ARHGEF19: variants seen among roughly 807,000 people sequenced by gnomAD.
ARHGEF19 encodes Rho guanine nucleotide exchange factor (GEF) 19.
In ARHGEF19, 92 loss-of-function variants were observed where a neutral mutation model predicts 87.6. The ratio of observed to expected loss-of-function variants is 1.05; its 90% confidence interval spans 0.89 to 1.25. The LOEUF (loss-of-function observed/expected upper bound fraction) is 1.25. ARHGEF19 is among the 50% of genes most tolerant of loss of function. The probability of loss-of-function intolerance (pLI) is 0.00; values close to 1 mark genes in which losing one functional copy is unlikely to be tolerated. For synonymous variants in ARHGEF19, 438 were observed against 446.2 expected, an observed-to-expected ratio of 0.98 and a Z score of 0.23; for missense variants, 1,054 against 1,051.8, an observed-to-expected ratio of 1.00 and a Z score of -0.03.
Position 16,206,407 on chromosome 1 carries a change from T to C in ARHGEF19, c.1138-67A>G, listed in dbSNP as rs2081135575. ...TCACCTCGGAGGCCCTGGCCTCACA[T>C]CCCCAGACCCCAGGACGCCACACCT... On this transcript the variant is annotated intron_variant, in intron 6 of 15. Transcript: ENST00000270747. This position sits in a 1 kb window ranked among gnomAD's most constrained non-coding sequence, Gnocchi z 4.6. The C allele has an allele frequency of 6.6e-7, 1 of 1,521,236 alleles. No individual in the cohort carries two copies. The highest frequency in any genetic ancestry group is 2.0e-5 in the Admixed American group (1 of 50,820). The allele number at this position is 1,521,236 out of a possible 1,614,324, so 94.2% of individuals were successfully genotyped here. A position where few individuals can be genotyped will look rare whatever the true frequency, so the allele number is the denominator to read the frequency against.
At chr1:16,208,602 CT>C in intron 2 of ARHGEF19, 40 bp downstream of exon 2, 1 of 1,553,782 alleles carries the variant, frequency 6.4e-7, no homozygotes, top group Non-Finnish European at 8.6e-7. Context: ...CCCTATCCCC[CT>C]GCCATGGCAC....
rs2081167545 is a variant in ARHGEF19 at position 16,208,603 on chromosome 1, T to G, written c.412+40A>C. ...CTGCCCAGCCCCTCCCCTATCCCCC[T>G]GCCATGGCACCCACACCCGCCTTCC... On this transcript the variant is annotated intron_variant, in intron 2 of 15. Transcript: ENST00000270747. 3 of 1,555,070 alleles carry G rather than the reference T, an allele frequency of 1.9e-6. No homozygotes were observed. In the African/African-American group the frequency reaches 4.1e-5, roughly 21 times the overall value.
Position 16,206,993 on chromosome 1 carries a change from G to A in ARHGEF19, c.1092C>T (p.Ser364=). Residue 364 remains serine (S), a synonymous_variant, in exon 6 of 16, where the codon AGC becomes AGT. Coordinates refer to ENST00000270747, the MANE Select transcript of ARHGEF19 (RefSeq NM_153213.5). This position sits in a 1 kb window ranked among gnomAD's most constrained non-coding sequence, Gnocchi z 4.6. The part of the protein sequence containing the change: ...LWQDIPDVRG[S]GVLATLSLRD... ...GCAGGCTCAGCGTGGCCAGGACGCC[G>A]CTGCCGCGTACGTCGGGGATATCCT... The A allele has an allele frequency of 1.3e-6, 2 of 1,515,596 alleles. No individual in the cohort carries two copies. Among genetic ancestry groups the A allele is most frequent in the Non-Finnish European group, 8.8e-7 (1 of 1,135,746 alleles). The allele number at this position is 1,515,596 out of a possible 1,614,324, so 93.9% of individuals were successfully genotyped here. A position where few individuals can be genotyped will look rare whatever the true frequency, so the allele number is the denominator to read the frequency against.
At position 16,206,771 on chromosome 1, in the gene ARHGEF19, C is replaced by T. The variant is rs1027015992; in HGVS notation, c.1137+177G>A. 6.6e-6 allele frequency among the ~76,000 whole-genome samples: 1 copy of T among 152,074 alleles called. No individual in the cohort carries two copies. The highest frequency in any genetic ancestry group is 2.4e-5 in the African/African-American group (1 of 41,414). ...CGCCTCTCGCTCAGCGGCTTGCTGT[C>T]CTCGCTTCCAGACGGCCTCGTGTAG... On this transcript the variant is annotated intron_variant, in intron 6 of 15. Coordinates refer to ENST00000270747, the MANE Select transcript of ARHGEF19 (RefSeq NM_153213.5). This position sits in a 1 kb window ranked among gnomAD's most constrained non-coding sequence, Gnocchi z 4.6.
Position 16,205,725 on chromosome 1 carries a change from A to G in ARHGEF19, c.1452-58T>C. 1 of 1,548,324 alleles carries G rather than the reference A, an allele frequency of 6.5e-7. No individual in the cohort carries two copies. ...TAGGCCTGAATTCCTGGGATCCACA[A>G]CCCTGGCCATCCACGGGGTCCTCAG... is the stretch of plus-strand genomic sequence containing the variant. On this transcript the variant is annotated intron_variant, in intron 8 of 15. Transcript: ENST00000270747. This position sits in a 1 kb window ranked among gnomAD's most constrained non-coding sequence, Gnocchi z 5.8.
rs752533882 is a variant in ARHGEF19 at position 16,205,356 on chromosome 1, T to C, written c.1651A>G (p.Lys551Glu). The C allele has an allele frequency of 1.2e-6, 2 of 1,613,708 alleles. No homozygotes were observed. The highest frequency in any genetic ancestry group is 1.7e-6 in the Non-Finnish European group (2 of 1,179,804). ...DMATKAFNAL[K>E]ELVQECNASV... The stretch of plus-strand genomic sequence containing the variant: ...CCCTGCCCTGCCCAGCTCACCTCCT[T>C]GAGCGCATTGAAGGCCTTGGTGGCC... The change falls in exon 10 of 16, where the codon AAG (lysine) becomes GAG (glutamate). Residue 551 changes from lysine (K) to glutamate (E), a missense_variant. Coordinates refer to ENST00000270747, the MANE Select transcript of ARHGEF19 (RefSeq NM_153213.5). The surrounding 1 kb of genome is among the most constrained non-coding windows in gnomAD (Gnocchi z 5.8).
rs778589409 is a variant in ARHGEF19, at chr1:16,208,929, G to A, written c.126C>T (p.Pro42=). The change falls in exon 2 of 16, where the codon CCC becomes CCT. Residue 42 remains proline (P), a synonymous_variant. Coordinates refer to ENST00000270747, the MANE Select transcript of ARHGEF19 (RefSeq NM_153213.5). Reference sequence around the variant, plus strand: ...AAAGGTCCAGACACACTGGGCTCGGGGGCTTCAGGGCGGGCAGCTCTGCAA... The same window carrying A: ...AAAGGTCCAGACACACTGGGCTCGGAGGCTTCAGGGCGGGCAGCTCTGCAA... ...LSFAELPALK[P]PSPVCLDLFP... is the part of the protein sequence containing the mutation. The A allele has an allele frequency of 5.0e-6, 8 of 1,584,636 alleles. No individual in the cohort carries two copies. Among genetic ancestry groups the A allele is most frequent in the East Asian group, 2.3e-5 (1 of 44,306 alleles).
chr1:16,205,382 A>G lies in ARHGEF19; in HGVS notation c.1625T>C (p.Met542Thr). 3 of 1,613,560 alleles carry G rather than the reference A, an allele frequency of 1.9e-6. No homozygotes were observed. The highest frequency in any genetic ancestry group is 2.5e-6 in the Non-Finnish European group (3 of 1,179,654). Residue 542 changes from methionine (M) to threonine (T), a missense_variant, in exon 10 of 16, where the codon ATG becomes ACG. Met to Thr is a moderately conservative substitution (Grantham distance 81). Transcript: ENST00000270747. This position sits in a 1 kb window ranked among gnomAD's most constrained non-coding sequence, Gnocchi z 5.8. ...GAGCGCATTGAAGGCCTTGGTGGCC[A>G]TGTCTTCGTCTTCAGAGCCCTGTGC... ...RTAQGSEDED[M>T]ATKAFNALKE... is the part of the protein sequence containing the mutation.
chr1:16,202,624 G>A (rs761242107), intron 12 of ARHGEF19, 50 bp from the exon 13 acceptor site: 1 of 1,584,584 alleles, frequency 6.3e-7, no homozygotes, highest in Non-Finnish European at 8.6e-7. Context: ...CCTGGCTCTA[G>A]GCACCCACCC....
In ARHGEF19 at chr1:16,206,956, G is replaced by C. The variant is rs1377699091; in HGVS notation, c.1129C>G (p.Leu377Val). The C allele has an allele frequency of 6.7e-7, 1 of 1,492,158 alleles. No homozygotes were observed. The highest frequency in any genetic ancestry group is 8.9e-7 in the Non-Finnish European group (1 of 1,127,822). The allele number at this position is 1,492,158 out of a possible 1,614,324, so 92.4% of individuals were successfully genotyped here. Residue 377 changes from leucine (L) to valine (V), a missense_variant, in exon 6 of 16, where the codon CTG becomes GTG. By Grantham distance (32) the Leu-to-Val change is conservative (BLOSUM62 1). Coordinates refer to ENST00000270747, the MANE Select transcript of ARHGEF19 (RefSeq NM_153213.5). The surrounding 1 kb of genome is among the most constrained non-coding windows in gnomAD (Gnocchi z 4.6). ...LATLSLRDCKLQEAKFELITS... is the reference protein window; with the variant it reads ...LATLSLRDCKVQEAKFELITS... ...TCCCCGCGCGCGCCCACCTCCTGCA[G>C]CTTGCAGTCCCGCAGGCTCAGCGTG...
In ARHGEF19 at chr1:16,207,130, C is replaced by T. The variant is rs762510477; in HGVS notation, c.955G>A (p.Asp319Asn). ...RQQREEEGPG[D>N]EAEGAEEGPG... ...CCCTCCTCTGCGCCCTCGGCCTCGT[C>T]CCCCGGGCCCTCCTCCTCGCGCTGC... is the stretch of plus-strand genomic sequence containing the variant. Residue 319 changes from aspartate (D) to asparagine (N), a missense_variant, in exon 6 of 16, where the codon GAC becomes AAC. Asp to Asn is a conservative substitution (Grantham distance 23). Transcript: ENST00000270747. This position sits in a 1 kb window ranked among gnomAD's most constrained non-coding sequence, Gnocchi z 4.0. 113 of 1,522,762 alleles carry T rather than the reference C, an allele frequency of 7.4e-5. No individual in the cohort carries two copies. The highest frequency in any genetic ancestry group is 5.8e-4 in the Middle Eastern group (3 of 5,170). 94.3% of individuals were successfully genotyped at this position (1,522,762 alleles called of 1,614,324 possible).
Position 16,207,901 on chromosome 1 carries a change from C to CCCGCCA in ARHGEF19, c.694+42_694+43insTGGCGG. The CCCGCCA allele has an allele frequency of 4.4e-6, 7 of 1,575,222 alleles. No individual in the cohort carries two copies. Among genetic ancestry groups the CCCGCCA allele is most frequent in the African/African-American group, 1.4e-5 (1 of 73,520 alleles). On this transcript the variant is annotated intron_variant, in intron 3 of 15. Coordinates refer to ENST00000270747, the MANE Select transcript of ARHGEF19 (RefSeq NM_153213.5). The surrounding 1 kb of genome is among the most constrained non-coding windows in gnomAD (Gnocchi z 4.0). ...GGGCATCGCCCACCCCCACCCCCACCCGGCATCTGGCTGCCCTCAGGGCCC... is the reference window on the plus strand; with the variant it reads ...GGGCATCGCCCACCCCCACCCCCACCCCGCCACGGCATCTGGCTGCCCTCAGGGCCC...
chr1:16,201,899 AGTGCAGTTGCCCAGGGCAGG>A, intron 13 of ARHGEF19, 38 bp from the exon 14 acceptor site: 1 of 1,605,512 alleles, frequency 6.2e-7, no homozygotes, highest in South Asian at 1.1e-5. Flanking sequence ...CAATATGCAA[AGTGCAGTTGCCCAGGGCAGG>A]GTGCTGAAAC....
Position 16,207,963 on chromosome 1 carries a change from G to C in ARHGEF19, c.675C>G (p.Gly225=). ...TGGTACCTTCCCGGGCTGCTCCGGT[G>C]CCTGACCCAGAGATGAGTGCCCGGG... ...SAARALISGS[G]TGAAREGKAS... The change falls in exon 3 of 16, where the codon GGC becomes GGG. Residue 225 remains glycine (G), a synonymous_variant. Transcript: ENST00000270747. The surrounding 1 kb of genome is among the most constrained non-coding windows in gnomAD (Gnocchi z 4.0). The C allele has an allele frequency of 5.0e-6, 8 of 1,610,502 alleles. No homozygotes were observed. The highest frequency in any genetic ancestry group is 6.8e-6 in the Non-Finnish European group (8 of 1,179,266).
Position 16,207,138 on chromosome 1 carries a change from C to A in ARHGEF19, c.947G>T (p.Gly316Val), listed in dbSNP as rs775349914. 31 of 1,527,392 alleles carry A rather than the reference C, an allele frequency of 2.0e-5. No homozygotes were observed. Among genetic ancestry groups the A allele is most frequent in the Non-Finnish European group, 2.6e-5 (30 of 1,141,006 alleles). The allele number at this position is 1,527,392 out of a possible 1,614,324, so 94.6% of individuals were successfully genotyped here. The change falls in exon 6 of 16, where the codon GGC becomes GTC. Residue 316 changes from glycine (G) to valine (V), a missense_variant. Physicochemically the swap from Gly to Val is moderately radical, Grantham distance 109. Transcript: ENST00000270747. The surrounding 1 kb of genome is among the most constrained non-coding windows in gnomAD (Gnocchi z 4.0). The stretch of plus-strand genomic sequence containing the variant: ...TGCGCCCTCGGCCTCGTCCCCCGGG[C>A]CCTCCTCCTCGCGCTGCTGCCGCCG... ...ELRRQQREEE[G>V]PGDEAEGAEE...
chr1:16,207,620 G>C lies in ARHGEF19; in HGVS notation c.798-22C>G, dbSNP rs1410435469. 6.2e-7 allele frequency: 1 copy of C among 1,613,984 alleles called. No homozygotes were observed. Among genetic ancestry groups the C allele is most frequent in the Non-Finnish European group, 8.5e-7 (1 of 1,179,988 alleles). ...TAGCCTAGGAAAGAGAGAGCGTCACGGCCCTAGTTCGCCTGCACCCTGTCT... is the reference window on the plus strand; with the variant it reads ...TAGCCTAGGAAAGAGAGAGCGTCACCGCCCTAGTTCGCCTGCACCCTGTCT... On this transcript the variant is annotated intron_variant, in intron 4 of 15. Coordinates refer to ENST00000270747, the MANE Select transcript of ARHGEF19 (RefSeq NM_153213.5). The surrounding 1 kb of genome is among the most constrained non-coding windows in gnomAD (Gnocchi z 4.0).
At position 16,207,419 on chromosome 1, in the gene ARHGEF19, C is replaced by T. The variant is rs1469063676; in HGVS notation, c.874+103G>A. On this transcript the variant is annotated intron_variant, in intron 5 of 15. Coordinates refer to ENST00000270747, the MANE Select transcript of ARHGEF19 (RefSeq NM_153213.5). This position sits in a 1 kb window ranked among gnomAD's most constrained non-coding sequence, Gnocchi z 4.0. ...ACCGACAGTTCCATTCTCCGTTTCTCACTCGATCCCTACCTCTCAACTCTC... is the reference window on the plus strand; with the variant it reads ...ACCGACAGTTCCATTCTCCGTTTCTTACTCGATCCCTACCTCTCAACTCTC... 2 of 1,467,142 alleles carry T rather than the reference C, an allele frequency of 1.4e-6. No homozygotes were observed. The highest frequency in any genetic ancestry group is 1.4e-5 in the African/African-American group (1 of 71,162). The allele number at this position is 1,467,142 out of a possible 1,614,324, so 90.9% of individuals were successfully genotyped here. A position where few individuals can be genotyped will look rare whatever the true frequency, so the allele number is the denominator to read the frequency against.
At chr1:16,203,364 C>T (rs1237050370) in intron 12 of ARHGEF19, among the ~76,000 whole-genome samples, 1 of 152,168 alleles carries the variant, frequency 6.6e-6, no homozygotes, top group Non-Finnish European at 1.5e-5. Flanking sequence ...ATCCCCCCTA[C>T]ACCCATCTGG....
chr1:16,201,688 T>C (rs2081084474), intron 14 of ARHGEF19, 94 bp downstream of exon 14: 1 of 1,391,362 alleles, frequency 7.2e-7, no homozygotes, highest in Non-Finnish European at 9.8e-7. Context: ...TCTCTCCCCA[T>C]AGCCCTGCCA....
Sources: gnomAD v4.1 joint callset for allele counts (sites outside exome capture counted in the v4.1 genomes callset) on GRCh38, gnomAD v4.1.1 for gene constraint, Gnocchi (gnomAD v3.1) non-coding constraint, MANE v1.5 for transcripts, NCBI Gene and HGNC (gene_info 2026-07-23, HGNC 2026-07-21) for gene names.